Variants in SGCZ observed in about 807,000 individuals in gnomAD.
The protein encoded by SGCZ is sarcoglycan zeta.
In SGCZ, 40 loss-of-function variants were observed where a neutral mutation model predicts 41.3. That is an observed-to-expected ratio of 0.97 (90% confidence interval 0.75 to 1.26). SGCZ has a LOEUF of 1.26. Ranked by LOEUF, SGCZ falls within the 50% of genes most tolerant of loss-of-function variation. The probability of loss-of-function intolerance (pLI) is 0.00; values close to 1 mark genes in which losing one functional copy is unlikely to be tolerated. For missense variants in SGCZ, 552 were observed against 369.8 expected (o/e 1.49, Z -4.04); for synonymous variants, 206 against 137.5 (o/e 1.50, Z -3.49).
chr8:14,919,670 C>T (rs1467117524), intron 1 of SGCZ, among the ~76,000 whole-genome samples: 1 of 152,148 alleles, frequency 6.6e-6, no homozygotes, highest in South Asian at 2.1e-4. Flanking sequence ...GTAACCTCAG[C>T]ACTTTGGGAG....
At chr8:14,673,421 GCTGT>G (rs1808170122) in intron 1 of SGCZ, among the ~76,000 whole-genome samples, 1 of 151,130 alleles carries the variant, frequency 6.6e-6, no homozygotes, top group South Asian at 2.1e-4. Flanking sequence ...TCGCGCTCGC[GCTGT>G]CTCTCTCTCG....
chr8:14,844,396 A>T (rs1224485754), intron 1 of SGCZ, among the ~76,000 whole-genome samples: 1 of 152,166 alleles, frequency 6.6e-6, no homozygotes. Context: ...GCTTTGCCAT[A>T]CCCCTGTGGA....
chr8:14,273,101 C>T (rs2117268082), intron 3 of SGCZ, among the ~76,000 whole-genome samples: 1 of 151,972 alleles, frequency 6.6e-6, no homozygotes, highest in Non-Finnish European at 1.5e-5. Flanking sequence ...ATATTTTGAT[C>T]ACCTAAGTGT....
rs955694388 is a variant in SGCZ at position 14,386,100 on chromosome 8, T to C, written c.235-61896A>G. ...TTTTCCAAATATATTCAGTCTTCGG[T>C]TGGTTGAATATATAAATGCAGAATC... On this transcript the variant is annotated intron_variant, in intron 2 of 7. Coordinates refer to ENST00000382080, the MANE Select transcript of SGCZ (RefSeq NM_139167.4). 7.4e-4 allele frequency among the ~76,000 whole-genome samples: 113 copies of C among 152,056 alleles called. 4 individuals are homozygous for C.
intron 1 of SGCZ, among the ~76,000 whole-genome samples, chr8:14,874,202 C>G (rs1228447173): frequency 6.6e-6 from 1 of 152,106 alleles, no homozygotes; most frequent in Non-Finnish European, 1.5e-5. Context: ...ACTTAGTTCT[C>G]TCTGGAAATA....
At chr8:14,984,973 A>G (rs1289284051) in intron 1 of SGCZ, among the ~76,000 whole-genome samples, 1 of 152,128 alleles carries the variant, frequency 6.6e-6, no homozygotes, top group Non-Finnish European at 1.5e-5. Context: ...TCCAACAACA[A>G]CAGTAATAAT....
intron 1 of SGCZ, among the ~76,000 whole-genome samples, chr8:15,059,203 A>G: frequency 6.6e-6 from 1 of 152,186 alleles, no homozygotes; most frequent in East Asian, 1.9e-4. Context: ...ATTAAAATTT[A>G]CAAAATATTT....
rs1409127986 is a variant in SGCZ, at chr8:14,087,919, G to A, written c.*2524C>T. On this transcript the variant is annotated 3_prime_UTR_variant, in exon 8 of 8. Transcript: ENST00000382080. ...CATCGCTATCACTATATTTTCTACT[G>A]TACTGAACCGATTTGTTATATCATC... is the stretch of plus-strand genomic sequence containing the variant. Among the ~76,000 whole-genome samples the A allele has an allele frequency of 6.6e-6, 1 of 151,632 alleles. No homozygotes were observed. The highest frequency in any genetic ancestry group is 1.5e-5 in the Non-Finnish European group (1 of 67,782).
At chr8:14,432,631 C>T (rs1047502848) in intron 2 of SGCZ, among the ~76,000 whole-genome samples, 1 of 152,090 alleles carries the variant, frequency 6.6e-6, no homozygotes, top group African/African-American at 2.4e-5. Flanking sequence ...AAAGAACTTA[C>T]AGCAGGGCGC....
chr8:15,045,129 G>A (rs1171171267), intron 1 of SGCZ, among the ~76,000 whole-genome samples: 1 of 151,720 alleles, frequency 6.6e-6, no homozygotes, highest in Admixed American at 6.6e-5. Flanking sequence ...TTACACTTGG[G>A]TTATTTGGCA....
intron 1 of SGCZ, among the ~76,000 whole-genome samples, chr8:14,932,921 C>T (rs891871357): frequency 1.3e-5 from 2 of 151,824 alleles, no homozygotes; most frequent in African/African-American, 4.9e-5. Flanking sequence ...TTTCAAGAGG[C>T]CGTTATCTTA....
At chr8:14,188,823 TG>T (rs1477630960) in intron 4 of SGCZ, among the ~76,000 whole-genome samples, 113 of 18,350 alleles carry the variant, frequency 6.2e-3, no homozygotes, top group South Asian at 0.016. Flanking sequence ...TTTGTTTCTT[TG>T]TTTTTTTTTG....
At chr8:14,847,153 G>GAAA (rs1234885842) in intron 1 of SGCZ, among the ~76,000 whole-genome samples, 2 of 149,788 alleles carry the variant, frequency 1.3e-5, no homozygotes, top group Non-Finnish European at 3.0e-5. Flanking sequence ...AGAAGAAGAA[G>GAAA]AAGAAGAAGA....
chr8:15,055,482 GA>G (rs897236805), intron 1 of SGCZ, among the ~76,000 whole-genome samples: 1 of 151,962 alleles, frequency 6.6e-6, no homozygotes, highest in Non-Finnish European at 1.5e-5. Context: ...CGAATTTCAG[GA>G]AAAAAACATG....
chr8:14,124,814 AG>A (rs1802802617), intron 5 of SGCZ, among the ~76,000 whole-genome samples: 1 of 152,206 alleles, frequency 6.6e-6, no homozygotes, highest in African/African-American at 2.4e-5. Flanking sequence ...GGATCCTAAA[AG>A]CCCATCTTCT....
At chr8:14,508,175 A>G (rs1400790746) in intron 2 of SGCZ, among the ~76,000 whole-genome samples, 1 of 152,110 alleles carries the variant, frequency 6.6e-6, no homozygotes, top group Non-Finnish European at 1.5e-5. Flanking sequence ...CATACTATGT[A>G]ATTTACTTTT....
intron 3 of SGCZ, among the ~76,000 whole-genome samples, chr8:14,258,758 T>G (rs1170087776): frequency 6.6e-6 from 1 of 152,182 alleles, no homozygotes; most frequent in Non-Finnish European, 1.5e-5. Context: ...TATCTTAAGG[T>G]ATTTTAGACA....
At chr8:14,728,055 C>A (rs1810115982) in intron 1 of SGCZ, among the ~76,000 whole-genome samples, 1 of 152,062 alleles carries the variant, frequency 6.6e-6, no homozygotes, top group African/African-American at 2.4e-5. Flanking sequence ...CAAAATGTAT[C>A]TACGGTGATA....
At position 14,939,955 on chromosome 8, in the gene SGCZ, T is replaced by C. The variant is rs1473992787; in HGVS notation, c.39+297630A>G. ...CTTATAAATGGGGCTGTTCTTTCAT[T>C]GAAACATCTATTTCAATTCTTAGGG... On this transcript the variant is annotated intron_variant, in intron 1 of 7. Transcript: ENST00000382080. 5.3e-5 allele frequency among the ~76,000 whole-genome samples: 8 copies of C among 152,190 alleles called. 1 individual carries two copies. The highest frequency in any genetic ancestry group is 1.2e-4 in the Non-Finnish European group (8 of 68,042).
Sources: allele counts gnomAD v4.1 joint callset (sites outside exome capture counted in the v4.1 genomes callset), GRCh38; gene constraint gnomAD v4.1.1; transcripts MANE v1.5; gene names NCBI Gene and HGNC (gene_info 2026-07-23, HGNC 2026-07-21).